The following VAT1L variants were observed in gnomAD, a reference collection of about 807,000 sequenced individuals.
The protein encoded by VAT1L is vesicle amine transport 1 like.
Under a neutral mutation model 44.1 loss-of-function variants are expected in VAT1L, and 34 were observed. That is an observed-to-expected ratio of 0.77 (90% CI 0.59 to 1.03). The LOEUF (loss-of-function observed/expected upper bound fraction) is 1.03, where lower values mean the gene tolerates loss of function less well. VAT1L is among the 50% of genes least tolerant of loss of function. VAT1L has a pLI of 0.00. For synonymous variants in VAT1L, 253 were observed against 202.2 expected, an observed-to-expected ratio of 1.25 and a Z score of -2.13; for missense variants, 615 against 538.8, an observed-to-expected ratio of 1.14 and a Z score of -1.40.
At chr16:77,837,815 T>G (rs1242183602) in intron 3 of VAT1L, among the ~76,000 whole-genome samples, 1 of 152,008 alleles carries the variant, frequency 6.6e-6, no homozygotes, top group Non-Finnish European at 1.5e-5. Flanking sequence ...AAAAAGGGGG[T>G]CTTGTAATGG....
At chr16:77,894,097 C>G (rs1369275122) in intron 7 of VAT1L, among the ~76,000 whole-genome samples, 1 of 152,158 alleles carries the variant, frequency 6.6e-6, no homozygotes, top group Non-Finnish European at 1.5e-5. Flanking sequence ...CAGTTTGGCT[C>G]TCGAGTCCAT....
chr16:77,929,714 G>A (rs566604772), intron 7 of VAT1L, among the ~76,000 whole-genome samples: 1 of 152,260 alleles, frequency 6.6e-6, no homozygotes, highest in East Asian at 1.9e-4. Flanking sequence ...ATACTCACAA[G>A]GTGACATGAG....
At chr16:77,855,395 GT>G (rs1377807736) in intron 3 of VAT1L, among the ~76,000 whole-genome samples, 1 of 150,098 alleles carries the variant, frequency 6.7e-6, no homozygotes, top group Non-Finnish European at 1.5e-5. Context: ...CTTACCCCTA[GT>G]CACACAACCC....
intron 3 of VAT1L, among the ~76,000 whole-genome samples, chr16:77,829,377 G>C (rs1287340327): frequency 6.6e-6 from 1 of 152,194 alleles, no homozygotes; most frequent in East Asian, 1.9e-4. Context: ...ACTTCTGTCC[G>C]AGTTTCATCA....
chr16:77,922,737 C>G (rs2017625666), intron 7 of VAT1L, among the ~76,000 whole-genome samples: 1 of 152,198 alleles, frequency 6.6e-6, no homozygotes, highest in Admixed American at 6.5e-5. Context: ...CTCCCAAACG[C>G]TTCCCATTTG....
chr16:77,955,296 C>A (rs1056459321), intron 7 of VAT1L, among the ~76,000 whole-genome samples: 1 of 152,136 alleles, frequency 6.6e-6, no homozygotes, highest in African/African-American at 2.4e-5. Context: ...TTTGTCACAA[C>A]GGGGTAGCGC....
chr16:77,876,496 G>A, intron 5 of VAT1L, 23 bp downstream of exon 5: 1 of 1,605,424 alleles, frequency 6.2e-7, no homozygotes, highest in Non-Finnish European at 8.5e-7. Flanking sequence ...CAGCAGCAGG[G>A]ACGTGGTCAG....
intron 8 of VAT1L, among the ~76,000 whole-genome samples, chr16:77,976,164 G>C (rs574161800): frequency 2.0e-5 from 3 of 152,356 alleles, no homozygotes; most frequent in East Asian, 3.9e-4. Flanking sequence ...AAACTGCAGA[G>C]ACATGGTCCT....
At chr16:77,809,556 T>G (rs2016227924) in intron 1 of VAT1L, among the ~76,000 whole-genome samples, 1 of 152,118 alleles carries the variant, frequency 6.6e-6, no homozygotes, top group African/African-American at 2.4e-5. Flanking sequence ...CTAAAGAGAC[T>G]CTCAGAGCTG....
chr16:77,856,059 A>C (rs1009660998), intron 3 of VAT1L, among the ~76,000 whole-genome samples: 1 of 152,174 alleles, frequency 6.6e-6, no homozygotes. Flanking sequence ...TAGTGATAGA[A>C]TGAATGACTC....
chr16:77,910,539 T>C (rs1597094600), intron 7 of VAT1L, among the ~76,000 whole-genome samples: 1 of 151,502 alleles, frequency 6.6e-6, no homozygotes, highest in African/African-American at 2.4e-5. Flanking sequence ...CAGGGCATGG[T>C]GGCGGCTGCC....
chr16:77,937,046 G>A (rs772802976), intron 7 of VAT1L, among the ~76,000 whole-genome samples: 21 of 152,180 alleles, frequency 1.4e-4, no homozygotes, highest in Non-Finnish European at 2.4e-4. Flanking sequence ...CACCACGCCC[G>A]GCTAACTTTT....
rs1465982638 is a variant in VAT1L at position 77,833,221 on chromosome 16, T to A, written c.579+7760T>A. 2.6e-5 allele frequency among the ~76,000 whole-genome samples: 4 copies of A among 152,306 alleles called. No homozygotes were observed. In the South Asian group the frequency reaches 6.2e-4, roughly 24 times the overall value. Reference sequence around the variant, plus strand: ...AATAAGACAGATTCTCTTCTTTCAATGAGAAGCCCTAGACATTGATGGGCG... The same window carrying A: ...AATAAGACAGATTCTCTTCTTTCAAAGAGAAGCCCTAGACATTGATGGGCG... On this transcript the variant is annotated intron_variant, in intron 3 of 8. Transcript: ENST00000302536.
At chr16:77,843,231 G>T (rs1383877517) in intron 3 of VAT1L, among the ~76,000 whole-genome samples, 1 of 152,142 alleles carries the variant, frequency 6.6e-6, no homozygotes, top group Non-Finnish European at 1.5e-5. Flanking sequence ...CTTGCTATGG[G>T]CTGTTTTTTC....
At chr16:77,865,064 C>T (rs1057338670) in intron 4 of VAT1L, among the ~76,000 whole-genome samples, 18 of 150,730 alleles carry the variant, frequency 1.2e-4, no homozygotes, top group African/African-American at 3.9e-4. Context: ...AGCTCCACCT[C>T]CTGGGTTCAC....
chr16:77,833,301 C>CA (rs1230729637), intron 3 of VAT1L, among the ~76,000 whole-genome samples: 2 of 152,114 alleles, frequency 1.3e-5, no homozygotes, highest in African/African-American at 2.4e-5. Flanking sequence ...CAGGGAGATA[C>CA]AAGGTGATAT....
At chr16:77,871,952 T>C (rs575240633) in intron 4 of VAT1L, among the ~76,000 whole-genome samples, 47 of 152,128 alleles carry the variant, frequency 3.1e-4, no homozygotes, top group African/African-American at 1.1e-3. Flanking sequence ...GACTTGAAGG[T>C]GGGGCATTTT....
chr16:77,837,956 A>T (rs1486153144), intron 3 of VAT1L, among the ~76,000 whole-genome samples: 1 of 152,332 alleles, frequency 6.6e-6, no homozygotes, highest in African/African-American at 2.4e-5. Flanking sequence ...AGAAGCAAAC[A>T]GGTTAGGTTG....
intron 1 of VAT1L, among the ~76,000 whole-genome samples, chr16:77,798,678 G>T (rs866965279): frequency 1.8e-4 from 28 of 152,058 alleles, no homozygotes; most frequent in Non-Finnish European, 8.8e-5. Flanking sequence ...ACCTGTATCC[G>T]CCAAAGACCA....
Sources: gnomAD v4.1 joint callset for allele counts (sites outside exome capture counted in the v4.1 genomes callset) on GRCh38, gnomAD v4.1.1 for gene constraint, MANE v1.5 for transcripts, NCBI Gene and HGNC (gene_info 2026-07-23, HGNC 2026-07-21) for gene names.